Variants in NOX4 observed in about 807,000 individuals in gnomAD.
NOX4 encodes the protein NADPH oxidase 4.
NOX4 carries 69 observed loss-of-function variants against 87.6 expected under a neutral mutation model. The observed-to-expected ratio is 0.79, with a 90% CI of 0.65 to 0.96. The LOEUF is 0.96. Among genes scored for constraint, NOX4 ranks in the 40% least tolerant of loss-of-function variants. NOX4 has a pLI of 0.00. For missense variants in NOX4, 680 were observed against 681.5 expected (o/e 1.00, Z 0.02); for synonymous variants, 275 against 238.2 (o/e 1.15, Z -1.42).
chr11:89,337,710 C>A (rs556874872), intron 15 of NOX4, among the ~76,000 whole-genome samples, 195 bp from the exon 16 acceptor site: 1 of 152,054 alleles, frequency 6.6e-6, no homozygotes, highest in East Asian at 1.9e-4. Context: ...ATAATCTGGC[C>A]TCTTGGTATT....
At chr11:89,426,584 A>G (rs973948956) in intron 7 of NOX4, among the ~76,000 whole-genome samples, 1 of 152,130 alleles carries the variant, frequency 6.6e-6, no homozygotes, top group Admixed American at 6.5e-5. Flanking sequence ...TATCCCACGC[A>G]TGTCTCAGAG....
the NOX4 span, among the ~76,000 whole-genome samples, chr11:89,518,890 C>T: frequency 1.3e-5 from 2 of 148,318 alleles, no homozygotes; most frequent in East Asian, 2.0e-4. Flanking sequence ...AAAGATCTAT[C>T]TGTGATTATG....
the NOX4 span, among the ~76,000 whole-genome samples, chr11:89,515,141 G>T: frequency 6.6e-6 from 1 of 151,956 alleles, no homozygotes; most frequent in African/African-American, 2.4e-5. Flanking sequence ...GAGTGCAATT[G>T]CTAAGCCATT....
At chr11:89,332,619 G>A (rs1945521983) in intron 17 of NOX4, among the ~76,000 whole-genome samples, 3 of 151,888 alleles carry the variant, frequency 2.0e-5, no homozygotes, top group Admixed American at 1.3e-4. Flanking sequence ...GTAAACATGG[G>A]AATTTCTTGC....
At chr11:89,545,905 T>A in the NOX4 span, among the ~76,000 whole-genome samples, 130 of 152,286 alleles carry the variant, frequency 8.5e-4, 1 homozygote, top group African/African-American at 2.9e-3. Context: ...CTGTCTGATA[T>A]GGAAAATGAG....
At chr11:89,577,400 A>G in the NOX4 span, 1 of 152,318 alleles carries the variant, frequency 6.6e-6, no homozygotes, top group South Asian at 2.1e-4. Flanking sequence ...CTTGCTGAAA[A>G]ATAGAATGCT....
At chr11:89,366,763 C>G (rs1591036218) in intron 12 of NOX4, among the ~76,000 whole-genome samples, 1 of 150,784 alleles carries the variant, frequency 6.6e-6, no homozygotes, top group Admixed American at 6.6e-5. Context: ...GGTATTTACT[C>G]CTATGTTTGG....
intron 14 of NOX4, among the ~76,000 whole-genome samples, chr11:89,340,702 T>A (rs1483922183): frequency 6.6e-6 from 1 of 152,310 alleles, no homozygotes; most frequent in Non-Finnish European, 1.5e-5. Flanking sequence ...TCATGTATGA[T>A]GTAATGCATT....
the NOX4 span, among the ~76,000 whole-genome samples, chr11:89,538,806 T>C: frequency 6.6e-6 from 1 of 152,174 alleles, no homozygotes; most frequent in East Asian, 1.9e-4. Context: ...CCATGATATA[T>C]GGGGGCCAGA....
At chr11:89,373,854 T>C (rs1939642340) in intron 11 of NOX4, among the ~76,000 whole-genome samples, 1 of 152,058 alleles carries the variant, frequency 6.6e-6, no homozygotes, top group Non-Finnish European at 1.5e-5. Context: ...CTAATGCTTT[T>C]TTGTGTCATT....
intron 3 of NOX4, among the ~76,000 whole-genome samples, chr11:89,451,258 G>C (rs1489225588): frequency 6.6e-6 from 1 of 152,072 alleles, no homozygotes; most frequent in African/African-American, 2.4e-5. Flanking sequence ...TTCAAAATGA[G>C]TATATGTGTT....
the NOX4 span, among the ~76,000 whole-genome samples, chr11:89,526,633 T>C: frequency 6.6e-6 from 1 of 152,284 alleles, no homozygotes; most frequent in East Asian, 1.9e-4. Context: ...TGAGTTCTCA[T>C]GAGAGCTGAC....
At position 89,451,954 on chromosome 11, in the gene NOX4, G is replaced by C. The variant is rs1042590654; in HGVS notation, c.154-59C>G. 3.6e-6 allele frequency: 4 copies of C among 1,126,430 alleles called. No homozygotes were observed. In the African/African-American group the frequency reaches 4.6e-5, roughly 13 times the overall value. 69.8% of individuals were successfully genotyped at this position (1,126,430 alleles called of 1,614,324 possible). A position where few individuals can be genotyped will look rare whatever the true frequency, so the allele number is the denominator to read the frequency against. On this transcript the variant is annotated intron_variant, in intron 2 of 17. Transcript: ENST00000263317. ...AGGACAGTAGTAAAGCCCTGTCCTG[G>C]CTCTAGAAGCTAGAGGTCTCACCCT...
upstream of NOX4, among the ~76,000 whole-genome samples, chr11:89,495,512 A>G (rs1175692998): frequency 6.6e-6 from 1 of 152,136 alleles, no homozygotes; most frequent in African/African-American, 2.4e-5. Context: ...ATCCCTATGC[A>G]GGATACTTAA....
intron 7 of NOX4, among the ~76,000 whole-genome samples, chr11:89,429,321 C>T (rs1415016779): frequency 6.6e-6 from 1 of 151,972 alleles, no homozygotes; most frequent in Non-Finnish European, 1.5e-5. Flanking sequence ...AGAGCAAACA[C>T]ATTCAAAAGC....
At chr11:89,493,109 G>A (rs1343353603), upstream of NOX4, among the ~76,000 whole-genome samples, 2 of 152,166 alleles carry the variant, frequency 1.3e-5, no homozygotes, top group Non-Finnish European at 2.9e-5. Context: ...ACGGACTGCC[G>A]GGCGCGGTGG....
At chr11:89,434,415 G>T (rs941118063) in intron 6 of NOX4, among the ~76,000 whole-genome samples, 2 of 151,870 alleles carry the variant, frequency 1.3e-5, no homozygotes, top group Non-Finnish European at 2.9e-5. Flanking sequence ...TCTTCTTTAC[G>T]CTTCCTTCCT....
chr11:89,516,027 T>G, the NOX4 span, among the ~76,000 whole-genome samples: 1 of 152,234 alleles, frequency 6.6e-6, no homozygotes, highest in Admixed American at 6.6e-5. Flanking sequence ...TCCTTTAATT[T>G]CTACAGTGAT....
At chr11:89,378,862 C>T (rs190151995) in intron 11 of NOX4, among the ~76,000 whole-genome samples, 61 of 152,200 alleles carry the variant, frequency 4.0e-4, no homozygotes, top group East Asian at 1.9e-4. Flanking sequence ...GGAGATCACG[C>T]GGAGCACCGA....
Sources: gnomAD v4.1 joint callset for allele counts (sites outside exome capture counted in the v4.1 genomes callset) on GRCh38, gnomAD v4.1.1 for gene constraint, MANE v1.5 for transcripts, NCBI Gene and HGNC (gene_info 2026-07-23, HGNC 2026-07-21) for gene names.